Variants in KCNK10 observed in about 807,000 individuals in gnomAD.
KCNK10 encodes the protein potassium two pore domain channel subfamily K member 10, also known as potassium channel subfamily K member 10.
KCNK10 carries 25 observed loss-of-function variants against 47.7 expected under a neutral mutation model. The observed-to-expected ratio is 0.52, with a 90% confidence interval of 0.38 to 0.73. The LOEUF is 0.73. Among genes scored for constraint, KCNK10 ranks in the 30% least tolerant of loss-of-function variants. KCNK10 has a pLI of 0.00. For missense variants in KCNK10, 563 were observed against 714.5 expected, an observed-to-expected ratio of 0.79 and a Z score of 2.42; for synonymous variants, 303 against 285.6, an observed-to-expected ratio of 1.06 and a Z score of -0.61.
intron 1 of KCNK10, among the ~76,000 whole-genome samples, chr14:88,307,161 G>A (rs572242065): frequency 1.3e-5 from 2 of 152,276 alleles, no homozygotes; most frequent in African/African-American, 2.4e-5. Flanking sequence ...CTTTCAAGAT[G>A]GGTGGCCATG....
chr14:88,200,121 ATCTC>A (rs918314124), intron 4 of KCNK10, among the ~76,000 whole-genome samples: 3 of 116,208 alleles, frequency 2.6e-5, no homozygotes, highest in Non-Finnish European at 5.6e-5. Flanking sequence ...TTCCATATTT[ATCTC>A]TCTTTCTTTC....
chr14:88,271,024 G>A lies in KCNK10; in HGVS notation c.53-7473C>T, dbSNP rs547033979. On this transcript the variant is annotated intron_variant, in intron 1 of 6. Transcript: ENST00000319231. ...GCCAAACCCAGCAGCACCCAGACCC[G>A]CTCACACCTGTCCCAGAGAAACAGG... The A allele has an allele frequency of 1.9e-3, 1,074 of 554,192 alleles. 16 individuals are homozygous for A. In the South Asian group the frequency reaches 0.024, roughly 13 times the overall value. 34.3% of individuals were successfully genotyped at this position (554,192 alleles called of 1,614,324 possible).
At chr14:88,255,979 G>C (rs1886943922) in intron 2 of KCNK10, among the ~76,000 whole-genome samples, 1 of 152,202 alleles carries the variant, frequency 6.6e-6, no homozygotes, top group Non-Finnish European at 1.5e-5. Context: ...GTAAGTGGTA[G>C]CTATATTTTA....
At chr14:88,307,340 C>CAT (rs1888225057) in intron 1 of KCNK10, among the ~76,000 whole-genome samples, 1 of 151,802 alleles carries the variant, frequency 6.6e-6, no homozygotes, top group South Asian at 2.1e-4. Context: ...CACACACACA[C>CAT]ACACACACAC....
chr14:88,208,891 G>T (rs1295279055), intron 4 of KCNK10, among the ~76,000 whole-genome samples: 10 of 152,156 alleles, frequency 6.6e-5, no homozygotes, highest in African/African-American at 2.4e-4. Flanking sequence ...GGACCTGGGG[G>T]TGGGGAGTGG....
At chr14:88,304,929 G>A (rs1888175568) in intron 1 of KCNK10, among the ~76,000 whole-genome samples, 1 of 152,188 alleles carries the variant, frequency 6.6e-6, no homozygotes, top group Admixed American at 6.5e-5. Context: ...CAGGTGTGAT[G>A]GCTCATGCCT....
chr14:88,297,140 A>C (rs1026398121), intron 1 of KCNK10, among the ~76,000 whole-genome samples: 1 of 152,236 alleles, frequency 6.6e-6, no homozygotes, highest in Non-Finnish European at 1.5e-5. Context: ...GTAGTAAATA[A>C]ATATTTGTAA....
At position 88,215,733 on chromosome 14, in the gene KCNK10, C is replaced by CG. The variant is rs1005777856; in HGVS notation, c.681+11641dup. Among the ~76,000 whole-genome samples, 122 of 151,720 alleles carry CG rather than the reference C, an allele frequency of 8.0e-4. 1 individual carries two copies. The highest frequency in any genetic ancestry group is 2.0e-3 in the Admixed American group (31 of 15,246). On this transcript the variant is annotated intron_variant, in intron 4 of 6. Transcript: ENST00000319231. ...GAAGTTACCTGTGATCAAAGCTTGC[C>CG]GGGGGGAAAAGAGAGAGAGAGAGAC...
At chr14:88,223,105 G>A (rs376198808) in intron 4 of KCNK10, among the ~76,000 whole-genome samples, 26 of 152,256 alleles carry the variant, frequency 1.7e-4, no homozygotes, top group African/African-American at 5.5e-4. Context: ...CTGATTACAA[G>A]AGCTATCATA....
intron 1 of KCNK10, among the ~76,000 whole-genome samples, chr14:88,288,980 T>C (rs1887823543): frequency 6.6e-6 from 1 of 152,200 alleles, no homozygotes; most frequent in Non-Finnish European, 1.5e-5. Context: ...TAGCTGAGAT[T>C]GTATTCTGTA....
At chr14:88,198,911 T>TTTTATTTTA in intron 4 of KCNK10, among the ~76,000 whole-genome samples, 1 of 148,192 alleles carries the variant, frequency 6.7e-6, no homozygotes, top group Non-Finnish European at 1.5e-5. Context: ...TTTTATTTTA[T>TTTTATTTTA]TTTATTTTAT....
At chr14:88,287,771 G>C (rs1052576769) in intron 1 of KCNK10, among the ~76,000 whole-genome samples, 1 of 150,458 alleles carries the variant, frequency 6.6e-6, no homozygotes, top group Non-Finnish European at 1.5e-5. Context: ...ATTTGGGCTG[G>C]TTCCATATTT....
At chr14:88,239,427 T>G (rs1043473886) in intron 3 of KCNK10, among the ~76,000 whole-genome samples, 13 of 152,134 alleles carry the variant, frequency 8.5e-5, no homozygotes, top group African/African-American at 1.2e-4. Flanking sequence ...GCAAATTTAA[T>G]CATTTAAAAG....
At chr14:88,280,433 A>G (rs537583006) in intron 1 of KCNK10, among the ~76,000 whole-genome samples, 42 of 152,082 alleles carry the variant, frequency 2.8e-4, no homozygotes, top group African/African-American at 1.0e-3. Flanking sequence ...TCCCTGTGTA[A>G]TCCCTACCTA....
intron 2 of KCNK10, among the ~76,000 whole-genome samples, chr14:88,252,206 C>G (rs531435167): frequency 6.6e-6 from 1 of 152,114 alleles, no homozygotes; most frequent in Admixed American, 6.5e-5. Flanking sequence ...TGAGCCACCA[C>G]GCCCAGCCCC....
At chr14:88,252,003 T>C (rs1886812111) in intron 2 of KCNK10, among the ~76,000 whole-genome samples, 1 of 152,226 alleles carries the variant, frequency 6.6e-6, no homozygotes, top group Non-Finnish European at 1.5e-5. Flanking sequence ...TACAATTATT[T>C]GTGTAATAAC....
chr14:88,186,937 C>T lies in KCNK10; in HGVS notation c.1012-782G>A, dbSNP rs1566677263. Among the ~76,000 whole-genome samples the T allele has an allele frequency of 1.3e-5, 2 of 152,224 alleles. No homozygotes were observed. Among genetic ancestry groups the T allele is most frequent in the Admixed American group, 6.5e-5 (1 of 15,286 alleles). Reference sequence around the variant, plus strand: ...TGAGGATCAGCACCAAATTTCTTGGCTCTTAATGAACAGGGCAGACAGTAT... The same window carrying T: ...TGAGGATCAGCACCAAATTTCTTGGTTCTTAATGAACAGGGCAGACAGTAT... On this transcript the variant is annotated intron_variant, in intron 6 of 6. Transcript: ENST00000319231. This position sits in a 1 kb window ranked among gnomAD's most constrained non-coding sequence, Gnocchi z 5.5.
chr14:88,184,557 C>T lies in KCNK10; in HGVS notation c.*978G>A, dbSNP rs1884477518. The T allele has an allele frequency of 1.3e-5, 2 of 152,284 alleles. No individual in the cohort carries two copies. Among genetic ancestry groups the T allele is most frequent in the Admixed American group, 1.3e-4 (2 of 15,272 alleles). The allele number at this position is 152,284 out of a possible 1,614,324, so 9.4% of individuals were successfully genotyped here. ...TGCCATGGTCCTCCTCAGTGTGTCT[C>T]AGAAATGCAGGATGTCTACTTTTGT... On this transcript the variant is annotated 3_prime_UTR_variant, in exon 7 of 7. Coordinates refer to ENST00000319231, the MANE Select transcript of KCNK10 (RefSeq NM_138317.3).
chr14:88,272,084 A>G (rs553157197), intron 1 of KCNK10, among the ~76,000 whole-genome samples: 1 of 152,256 alleles, frequency 6.6e-6, no homozygotes, highest in South Asian at 2.1e-4. Context: ...CACCCTCCAC[A>G]GGAAACACTG....
Sources: gnomAD v4.1 joint callset for allele counts (sites outside exome capture counted in the v4.1 genomes callset) on GRCh38, gnomAD v4.1.1 for gene constraint, Gnocchi (gnomAD v3.1) non-coding constraint, MANE v1.5 for transcripts, NCBI Gene and HGNC (gene_info 2026-07-23, HGNC 2026-07-21) for gene names.